Variants in ASXL2 observed in about 807,000 individuals in gnomAD.
ASXL2 encodes ASXL transcriptional regulator 2, also known as putative Polycomb group protein ASXL2.
ASXL2 carries 23 observed loss-of-function variants against 122.0 expected under a neutral mutation model. The ratio of observed to expected loss-of-function variants is 0.19; its 90% CI spans 0.14 to 0.27. ASXL2 has a LOEUF of 0.27. Among genes scored for constraint, ASXL2 ranks in the 10% least tolerant of loss-of-function variants. ASXL2 has a pLI of 1.00. For missense variants in ASXL2, 1,518 were observed against 1,713.8 expected, an observed-to-expected ratio of 0.89 and a Z score of 2.02; for synonymous variants, 650 against 637.0, an observed-to-expected ratio of 1.02 and a Z score of -0.31.
In ASXL2 at chr2:25,737,878, C is replaced by G. The variant is rs2087761219; in HGVS notation, c.*4151G>C. The G allele has an allele frequency of 6.6e-6, 1 of 151,996 alleles. No individual in the cohort carries two copies. Among genetic ancestry groups the G allele is most frequent in the African/African-American group, 2.4e-5 (1 of 41,378 alleles). The allele number at this position is 151,996 out of a possible 1,614,324, so 9.4% of individuals were successfully genotyped here. A position where few individuals can be genotyped will look rare whatever the true frequency, so the allele number is the denominator to read the frequency against. ...ACTTCTCTGTACATACCCTCAATTC[C>G]AATGTTAACAATTCCTTTAAAAAGG... On this transcript the variant is annotated 3_prime_UTR_variant, in exon 13 of 13. Transcript: ENST00000435504.
chr2:25,756,170 C>A, intron 9 of ASXL2, 56 bp from the exon 10 acceptor site: 1 of 1,012,914 alleles, frequency 9.9e-7, no homozygotes, highest in South Asian at 2.0e-5. Flanking sequence ...GGTATCACGT[C>A]GTATTTGACC....
chr2:25,799,408 T>C lies in ASXL2; in HGVS notation c.380A>G (p.Lys127Arg), dbSNP rs34816614. ...SSDGGSNKEG[K>R]KSRWKRKVSS... is the part of the protein sequence containing the mutation. ...ACCTTTCCTTTTCCACCTGCTCTTTTTTCCCTCCTTGTTGCTGCCACCATC... is the reference window on the plus strand; with the variant it reads ...ACCTTTCCTTTTCCACCTGCTCTTTCTTCCCTCCTTGTTGCTGCCACCATC... Residue 127 changes from lysine to arginine, a missense_variant, in exon 5 of 13, where the codon AAA (lysine) becomes AGA (arginine). Physicochemically the swap from Lys to Arg is conservative, Grantham distance 26. Around this residue, in one of 8 missense-constraint regions of ASXL2, gnomAD observed 198 missense variants for 209.0 expected, o/e 0.95. Coordinates refer to ENST00000435504, the MANE Select transcript of ASXL2 (RefSeq NM_018263.6). The C allele has an allele frequency of 0.054, 86,915 of 1,613,928 alleles. 2,615 individuals are homozygous for C. Among genetic ancestry groups the C allele is most frequent in the African/African-American group, 0.084 (6,298 of 75,032 alleles).
At chr2:25,839,685 C>T (rs1313511471) in intron 2 of ASXL2, among the ~76,000 whole-genome samples, 6 of 145,210 alleles carry the variant, frequency 4.1e-5, no homozygotes, top group African/African-American at 1.3e-4. Flanking sequence ...TGCAGTGGCA[C>T]GATCACGGCT....
intron 8 of ASXL2, among the ~76,000 whole-genome samples, chr2:25,766,025 TTGTTAATTC>T (rs1450597317): frequency 6.6e-6 from 1 of 152,212 alleles, no homozygotes; most frequent in Non-Finnish European, 1.5e-5. Flanking sequence ...GTTTAAATTA[TTGTTAATTC>T]TGTTCTCATT....
chr2:25,871,546 G>A lies in ASXL2; in HGVS notation c.57+6620C>T, dbSNP rs144628174. ...GAGGCTTGTGGGCTTTCAGGATAGAGGAATAAAAACAGGTCAGAAAAAATT... is the reference window on the plus strand; with the variant it reads ...GAGGCTTGTGGGCTTTCAGGATAGAAGAATAAAAACAGGTCAGAAAAAATT... On this transcript the variant is annotated intron_variant, in intron 1 of 12. Transcript: ENST00000435504. 5.1e-3 allele frequency among the ~76,000 whole-genome samples: 771 copies of A among 152,256 alleles called. 4 individuals are homozygous for A. Among genetic ancestry groups the A allele is most frequent in the Middle Eastern group, 0.02 (6 of 294 alleles).
chr2:25,756,011 C>T lies in ASXL2; in HGVS notation c.1036+7G>A. The T allele has an allele frequency of 6.2e-7, 1 of 1,609,286 alleles. No homozygotes were observed. Among genetic ancestry groups the T allele is most frequent in the Non-Finnish European group, 8.5e-7 (1 of 1,175,706 alleles). On this transcript the variant is annotated splice_region_variant and intron_variant, in intron 10 of 12. Transcript: ENST00000435504. ...CACCTGGGAGACACATTAAGTAGAG[C>T]ACTTACCTTCTGAGAGTCTTTCCTT...
intron 5 of ASXL2, among the ~76,000 whole-genome samples, chr2:25,774,933 G>A (rs2088520885): frequency 6.6e-6 from 1 of 152,080 alleles, no homozygotes; most frequent in South Asian, 2.1e-4. Flanking sequence ...CTGAACACTT[G>A]TTAACATTTT....
rs1304755225 is a variant in ASXL2, at chr2:25,737,604, A to C, written c.*4425T>G. Reference sequence around the variant, plus strand: ...GTGGGAACCATCCCATAGGAGTATAAGGCAGTAACTGAGGACTCTTACCCA... The same window carrying C: ...GTGGGAACCATCCCATAGGAGTATACGGCAGTAACTGAGGACTCTTACCCA... On this transcript the variant is annotated 3_prime_UTR_variant, in exon 13 of 13. Coordinates refer to ENST00000435504, the MANE Select transcript of ASXL2 (RefSeq NM_018263.6). 6.6e-6 allele frequency: 1 copy of C among 152,212 alleles called. No homozygotes were observed. The highest frequency in any genetic ancestry group is 1.5e-5 in the Non-Finnish European group (1 of 68,034). The allele number at this position is 152,212 out of a possible 1,614,324, so 9.4% of individuals were successfully genotyped here. A position where few individuals can be genotyped will look rare whatever the true frequency, so the allele number is the denominator to read the frequency against.
chr2:25,804,418 C>T (rs939401975), intron 4 of ASXL2, among the ~76,000 whole-genome samples: 11 of 152,202 alleles, frequency 7.2e-5, no homozygotes, highest in African/African-American at 1.9e-4. Flanking sequence ...CTCATGTGGG[C>T]GAAGCCAAAC....
chr2:25,830,495 G>A (rs550109336), intron 3 of ASXL2, among the ~76,000 whole-genome samples: 15 of 152,064 alleles, frequency 9.9e-5, no homozygotes, highest in South Asian at 2.1e-4. Context: ...GCATGGTGGC[G>A]CATGCCTGTA....
chr2:25,819,501 A>C (rs767414723), intron 3 of ASXL2, among the ~76,000 whole-genome samples: 6 of 152,234 alleles, frequency 3.9e-5, no homozygotes, highest in Non-Finnish European at 7.3e-5. Context: ...GGTACACTGA[A>C]ATCATGGAAT....
chr2:25,776,346 A>T (rs2088546185), intron 5 of ASXL2, among the ~76,000 whole-genome samples: 1 of 152,146 alleles, frequency 6.6e-6, no homozygotes. Context: ...TAAATACTTT[A>T]TTCTTTATCG....
chr2:25,770,039 T>C (rs566073782), intron 6 of ASXL2, among the ~76,000 whole-genome samples: 1 of 152,210 alleles, frequency 6.6e-6, no homozygotes, highest in Non-Finnish European at 1.5e-5. Context: ...TATTCTCTCA[T>C]TCTTTGCAAT....
Position 25,753,659 on chromosome 2 carries a change from G to C in ASXL2, c.1037-20C>G, listed in dbSNP as rs2088084878. On this transcript the variant is annotated intron_variant, in intron 10 of 12. Coordinates refer to ENST00000435504, the MANE Select transcript of ASXL2 (RefSeq NM_018263.6). ...ACTCACCTGCAATGTACCCAAAAAAGGATATTCAATAGAAAAATGCTATTT... is the reference window on the plus strand; with the variant it reads ...ACTCACCTGCAATGTACCCAAAAAACGATATTCAATAGAAAAATGCTATTT... The C allele has an allele frequency of 6.4e-7, 1 of 1,559,366 alleles. No homozygotes were observed.
At chr2:25,783,699 C>T (rs193039538) in intron 5 of ASXL2, among the ~76,000 whole-genome samples, 101 of 151,958 alleles carry the variant, frequency 6.6e-4, no homozygotes, top group South Asian at 3.9e-3. Flanking sequence ...GAGGCCAAAG[C>T]GGGTGGGATC....
chr2:25,758,675 C>CTTTTTTTTTTTTTTTTT (rs1413771261), intron 9 of ASXL2, among the ~76,000 whole-genome samples: 1 of 133,906 alleles, frequency 7.5e-6, no homozygotes, highest in African/African-American at 2.9e-5. Flanking sequence ...CTTTTTGCTA[C>CTTTTTTTTTTTTTTTTT]TTTTGTTTTT....
At chr2:25,870,621 G>A (rs1052520591) in intron 1 of ASXL2, among the ~76,000 whole-genome samples, 1 of 152,066 alleles carries the variant, frequency 6.6e-6, no homozygotes, top group Non-Finnish European at 1.5e-5. Flanking sequence ...TCAGTAAGCC[G>A]TGATTGAATG....
chr2:25,757,921 CAAAAAAA>C (rs10524530), intron 9 of ASXL2, among the ~76,000 whole-genome samples: 1 of 127,352 alleles, frequency 7.9e-6, no homozygotes, highest in Non-Finnish European at 1.7e-5. Flanking sequence ...GAGTCTTTAA[CAAAAAAA>C]AAAAAAAAAA....
rs560562320 is a variant in ASXL2, at chr2:25,807,509, C to T, written c.144-1172G>A. ...AGTTGATTTCCATAGCTACGTTTAT[C>T]TGATTTGGATTTCCATGTTAAAAAT... On this transcript the variant is annotated intron_variant, in intron 3 of 12. Transcript: ENST00000435504. 3.8e-4 allele frequency among the ~76,000 whole-genome samples: 58 copies of T among 152,274 alleles called. No individual in the cohort carries two copies. In the South Asian group the frequency reaches 0.012, roughly 31 times the overall value.
Sources: gnomAD v4.1 joint callset for allele counts (sites outside exome capture counted in the v4.1 genomes callset) on GRCh38, gnomAD v4.1.1 for gene constraint, gnomAD v4.1.1 regional missense constraint, MANE v1.5 for transcripts, NCBI Gene and HGNC (gene_info 2026-07-23, HGNC 2026-07-21) for gene names.